Variants in GRIK4 observed in about 807,000 individuals in gnomAD.
GRIK4 encodes the protein glutamate ionotropic receptor kainate type subunit 4.
In GRIK4, 40 loss-of-function variants were observed where a neutral mutation model predicts 104.9. That is an observed-to-expected ratio of 0.38 (90% confidence interval 0.30 to 0.50). The LOEUF (loss-of-function observed/expected upper bound fraction) is 0.50. Among genes scored for constraint, GRIK4 ranks in the 20% least tolerant of loss-of-function variants. The pLI, the probability that GRIK4 is intolerant of heterozygous loss-of-function variation, is 0.93. For synonymous variants in GRIK4, 485 were observed against 524.9 expected (o/e 0.92, Z 1.04); for missense variants, 1,047 against 1,308.1 (o/e 0.80, Z 3.08).
chr11:120,693,881 G>A (rs888854414), intron 3 of GRIK4, among the ~76,000 whole-genome samples: 16 of 152,104 alleles, frequency 1.1e-4, no homozygotes, highest in South Asian at 6.2e-4. Flanking sequence ...AGAGGAGAGC[G>A]GTGCATTTGC....
intron 3 of GRIK4, among the ~76,000 whole-genome samples, chr11:120,796,097 G>A (rs140666243): frequency 3.0e-4 from 44 of 146,768 alleles, no homozygotes; most frequent in African/African-American, 1.0e-3. Context: ...GTGCAGTGGC[G>A]CAATCTCAGC....
In GRIK4 at chr11:120,776,700, C is replaced by G. The variant is rs764678871; in HGVS notation, c.83-25993C>G. Among the ~76,000 whole-genome samples the G allele has an allele frequency of 2.7e-4, 41 of 152,260 alleles. 1 individual carries two copies. The highest frequency in any genetic ancestry group is 5.4e-4 in the Non-Finnish European group (37 of 68,030). ...TCAAGCTGTTGGGCTGAGGCTGCAG[C>G]CATCCCAAGGCTTGACTGGGGCTGG... is the stretch of plus-strand genomic sequence containing the variant. On this transcript the variant is annotated intron_variant, in intron 3 of 20. Coordinates refer to ENST00000527524, the MANE Select transcript of GRIK4 (RefSeq NM_014619.5).
rs1323829742 is a variant in GRIK4 at position 120,927,139 on chromosome 11, G to A, written c.1477-13208G>A. Among the ~76,000 whole-genome samples the A allele has an allele frequency of 2.0e-5, 3 of 152,162 alleles. No homozygotes were observed. The East Asian group carries it at 5.8e-4, about 30-fold the overall frequency. ...TGACTAGCTAGACTGTGGTGAATGG[G>A]CTGCCGTATCACCAACGCCTGGTGG... On this transcript the variant is annotated intron_variant, in intron 13 of 20. Transcript: ENST00000527524.
intron 3 of GRIK4, among the ~76,000 whole-genome samples, chr11:120,779,503 A>G (rs1452430456): frequency 1.3e-5 from 2 of 152,200 alleles, no homozygotes; most frequent in Non-Finnish European, 2.9e-5. Flanking sequence ...CATGTCAGCA[A>G]CCACACCATT....
At chr11:120,599,809 C>T (rs1948858238) in intron 1 of GRIK4, among the ~76,000 whole-genome samples, 1 of 152,220 alleles carries the variant, frequency 6.6e-6, no homozygotes, top group African/African-American at 2.4e-5. Flanking sequence ...GGGCCTTGTC[C>T]CCAAGCTCAG....
chr11:120,706,650 C>G (rs766247255), intron 3 of GRIK4, among the ~76,000 whole-genome samples: 22 of 152,148 alleles, frequency 1.4e-4, no homozygotes, highest in Non-Finnish European at 2.8e-4. Context: ...AAACGTTCGA[C>G]CTATGGGGAT....
At chr11:120,879,558 A>G (rs545740131) in intron 11 of GRIK4, among the ~76,000 whole-genome samples, 16 of 152,164 alleles carry the variant, frequency 1.1e-4, no homozygotes, top group Non-Finnish European at 1.9e-4. Context: ...ATTGTTTTCT[A>G]CTATTTTAAA....
chr11:120,724,138 T>A (rs1391588104), intron 3 of GRIK4, among the ~76,000 whole-genome samples: 2 of 152,218 alleles, frequency 1.3e-5, no homozygotes, highest in African/African-American at 2.4e-5. Context: ...ATCACAAGTT[T>A]GTTCCTTTTT....
intron 6 of GRIK4, among the ~76,000 whole-genome samples, chr11:120,826,721 T>C (rs1281939779): frequency 6.6e-6 from 1 of 152,212 alleles, no homozygotes; most frequent in Non-Finnish European, 1.5e-5. Context: ...CTCAGCTGGC[T>C]CCTCTCTCCC....
chr11:120,850,224 TCTC>T (rs553631502), intron 8 of GRIK4, among the ~76,000 whole-genome samples: 270 of 152,258 alleles, frequency 1.8e-3, no homozygotes, highest in African/African-American at 6.1e-3. Flanking sequence ...ATCTGGATAA[TCTC>T]CTTCTTTGAA....
chr11:120,740,653 C>G (rs1951311344), intron 3 of GRIK4, among the ~76,000 whole-genome samples: 1 of 152,158 alleles, frequency 6.6e-6, no homozygotes, highest in South Asian at 2.1e-4. Context: ...CTGGTTTGGT[C>G]CAGAGGAGTT....
At chr11:120,844,781 A>G (rs754550676) in intron 8 of GRIK4, among the ~76,000 whole-genome samples, 1 of 152,198 alleles carries the variant, frequency 6.6e-6, no homozygotes, top group Non-Finnish European at 1.5e-5. Context: ...GTGCAGGACC[A>G]TGTAGGGTGG....
chr11:120,681,411 C>CCT (rs1052186272), intron 3 of GRIK4, among the ~76,000 whole-genome samples: 11 of 152,164 alleles, frequency 7.2e-5, no homozygotes, highest in Non-Finnish European at 1.0e-4. Flanking sequence ...CTGTGCGGTT[C>CCT]CTCTCTCTCG....
At chr11:120,838,652 G>A (rs1360212132) in intron 8 of GRIK4, among the ~76,000 whole-genome samples, 2 of 152,330 alleles carry the variant, frequency 1.3e-5, no homozygotes, top group East Asian at 3.9e-4. Flanking sequence ...TCTCATGAGT[G>A]TGTTGGCTTT....
At chr11:120,891,719 G>A (rs534176659) in intron 11 of GRIK4, among the ~76,000 whole-genome samples, 2 of 152,184 alleles carry the variant, frequency 1.3e-5, no homozygotes, top group Non-Finnish European at 2.9e-5. Context: ...AAGATAGGCG[G>A]TAAGCAATGG....
intron 1 of GRIK4, among the ~76,000 whole-genome samples, chr11:120,595,286 A>T (rs1437927413): frequency 1.3e-5 from 2 of 152,056 alleles, no homozygotes; most frequent in Non-Finnish European, 2.9e-5. Flanking sequence ...CACATCCTTT[A>T]AGTTTCAGAT....
intron 8 of GRIK4, among the ~76,000 whole-genome samples, chr11:120,846,053 T>C (rs1953845308): frequency 6.6e-6 from 1 of 152,148 alleles, no homozygotes; most frequent in Non-Finnish European, 1.5e-5. Flanking sequence ...CTGCTAACCC[T>C]CCTGTACCTA....
At chr11:120,575,252 C>A (rs1948466096) in intron 1 of GRIK4, among the ~76,000 whole-genome samples, 1 of 152,100 alleles carries the variant, frequency 6.6e-6, no homozygotes, top group Admixed American at 6.5e-5. Flanking sequence ...TTCCACTTAG[C>A]TCAGTCTGTG....
At chr11:120,833,984 G>A (rs1323655443) in intron 7 of GRIK4, among the ~76,000 whole-genome samples, 1 of 152,106 alleles carries the variant, frequency 6.6e-6, no homozygotes, top group Non-Finnish European at 1.5e-5. Context: ...CTTTATTGTT[G>A]GAGATACAGG....
Sources: gnomAD v4.1 joint callset for allele counts (sites outside exome capture counted in the v4.1 genomes callset) on GRCh38, gnomAD v4.1.1 for gene constraint, MANE v1.5 for transcripts, NCBI Gene and HGNC (gene_info 2026-07-23, HGNC 2026-07-21) for gene names.